ZNF260: variants seen among roughly 807,000 people sequenced by gnomAD.
The protein encoded by ZNF260 is zfp-260.
ZNF260 carries 21 observed loss-of-function variants against 29.3 expected under a neutral mutation model. The ratio of observed to expected loss-of-function variants is 0.72; its 90% confidence interval spans 0.51 to 1.03. ZNF260 has a LOEUF of 1.03. Ranked by LOEUF, ZNF260 falls within the 50% of genes least tolerant of loss-of-function variation. The probability of loss-of-function intolerance (pLI) is 0.00; values close to 1 mark genes in which losing one functional copy is unlikely to be tolerated. For missense variants in ZNF260, 465 were observed against 487.8 expected (o/e 0.95, Z 0.44); for synonymous variants, 156 against 156.8 (o/e 0.99, Z 0.04).
chr19:36,524,517 G>GTTTTTTTTTTTTTTTTTTTTTT lies in ZNF260; in HGVS notation c.-462+637_-462+638insAAAAAAAAAAAAAAAAAAAAAA, dbSNP rs61184857. ...TTTAAAGAAAATAACTTACATGCTAGTTTTTTTTTTTTTTTTTATTGATCA... is the reference window on the plus strand; with the variant it reads ...TTTAAAGAAAATAACTTACATGCTAGTTTTTTTTTTTTTTTTTTTTTTTTTTTTTTTTTTTTTTTATTGATCA... On this transcript the variant is annotated intron_variant, in intron 2 of 2. Coordinates refer to ENST00000523638, the MANE Select transcript of ZNF260 (RefSeq NM_001166037.2). Among the ~76,000 whole-genome samples, 559 of 90,704 alleles carry GTTTTTTTTTTTTTTTTTTTTTT rather than the reference G, an allele frequency of 6.2e-3. 91 individuals are homozygous for GTTTTTTTTTTTTTTTTTTTTTT. Among genetic ancestry groups the GTTTTTTTTTTTTTTTTTTTTTT allele is most frequent in the Non-Finnish European group, 7.9e-3 (339 of 42,848 alleles). The allele number at this position is 90,704 out of a possible 152,430, so 59.5% of individuals were successfully genotyped here. A position where few individuals can be genotyped will look rare whatever the true frequency, so the allele number is the denominator to read the frequency against.
rs142297509 is a variant in ZNF260 at position 36,511,921 on chromosome 19, T to G, written c.*2079A>C. 6.6e-6 allele frequency: 1 copy of G among 152,284 alleles called. No individual in the cohort carries two copies. The highest frequency in any genetic ancestry group is 1.5e-5 in the Non-Finnish European group (1 of 68,036). The allele number at this position is 152,284 out of a possible 1,614,324, so 9.4% of individuals were successfully genotyped here. ...TTTTCCTCAATGGCTTATAAAAAAA[T>G]TGAAGAGTGACACAGTTTTCTCATT... On this transcript the variant is annotated 3_prime_UTR_variant, in exon 3 of 3. Transcript: ENST00000523638.
Position 36,514,229 on chromosome 19 carries a change from C to T in ZNF260, c.1010G>A (p.Cys337Tyr). The T allele has an allele frequency of 1.2e-6, 2 of 1,614,136 alleles. No homozygotes were observed. The highest frequency in any genetic ancestry group is 1.7e-6 in the Non-Finnish European group (2 of 1,180,000). The change falls in exon 3 of 3, where the codon TGT becomes TAT. Residue 337 changes from cysteine to tyrosine, a missense_variant. Transcript: ENST00000523638. ...TGDKPYECKV[C>Y]GKAFCQSSSL... is the part of the protein sequence containing the mutation. ...TGAGCTTTGACAGAAGGCTTTCCCA[C>T]AGACCTTACACTCATAAGGCTTATC...
intron 1 of ZNF260, among the ~76,000 whole-genome samples, chr19:36,526,923 GC>G (rs1218113643): frequency 6.6e-6 from 1 of 152,178 alleles, no homozygotes; most frequent in African/African-American, 2.4e-5. Flanking sequence ...TTACTTAGAA[GC>G]CTTCTCTAAG....
chr19:36,527,757 A>G (rs2145761523), intron 1 of ZNF260, among the ~76,000 whole-genome samples: 1 of 152,344 alleles, frequency 6.6e-6, no homozygotes, highest in South Asian at 2.1e-4. Context: ...CTTTAAAAAA[A>G]TAATGGAAAG....
chr19:36,517,945 T>G (rs2034579311), intron 2 of ZNF260: 1 of 153,720 alleles, frequency 6.5e-6, no homozygotes, highest in Non-Finnish European at 1.4e-5. Flanking sequence ...TTCTCCGGCA[T>G]CAGCCTCCCG....
Position 36,515,175 on chromosome 19 carries a change from T to C in ZNF260, c.64A>G (p.Thr22Ala). 6.2e-7 allele frequency: 1 copy of C among 1,612,358 alleles called. No individual in the cohort carries two copies. Among genetic ancestry groups the C allele is most frequent in the East Asian group, 2.2e-5 (1 of 44,822 alleles). Residue 22 changes from threonine to alanine, a missense_variant, in exon 3 of 3, where the codon ACT becomes GCT. Physicochemically the swap from Thr to Ala is moderately conservative, Grantham distance 58 (BLOSUM62 0). Transcript: ENST00000523638. Reference sequence around the variant, plus strand: ...TTACATTCATAAGGTTTCTCTCCAGTATGAATTTGATCATGCTGAAGGAGA... The same window carrying C: ...TTACATTCATAAGGTTTCTCTCCAGCATGAATTTGATCATGCTGAAGGAGA... ...SDLLQHDQIH[T>A]GEKPYECNEC...
chr19:36,524,361 A>G (rs1376780781), intron 2 of ZNF260, among the ~76,000 whole-genome samples: 1 of 151,662 alleles, frequency 6.6e-6, no homozygotes, highest in African/African-American at 2.4e-5. Context: ...TTGTATTTTT[A>G]GTAAAGACGG....
Position 36,513,626 on chromosome 19 carries a change from A to C in ZNF260, c.*374T>G, listed in dbSNP as rs1324690192. 1.2e-5 allele frequency: 5 copies of C among 414,034 alleles called. No individual in the cohort carries two copies. The highest frequency in any genetic ancestry group is 2.1e-5 in the Non-Finnish European group (5 of 233,560). The allele number at this position is 414,034 out of a possible 1,614,324, so 25.6% of individuals were successfully genotyped here. ...TTTGATGATTCTAGTTTTACAATTCATATATGTAGCAAAACATCACAAAAA... is the reference window on the plus strand; with the variant it reads ...TTTGATGATTCTAGTTTTACAATTCCTATATGTAGCAAAACATCACAAAAA... On this transcript the variant is annotated 3_prime_UTR_variant, in exon 3 of 3. Coordinates refer to ENST00000523638, the MANE Select transcript of ZNF260 (RefSeq NM_001166037.2).
intron 2 of ZNF260, chr19:36,517,227 T>G (rs2034566406): frequency 6.6e-6 from 1 of 152,118 alleles, no homozygotes; most frequent in African/African-American, 2.4e-5. Context: ...AGGCTTTATC[T>G]CTACAAAAAT....
rs750388833 is a variant in ZNF260, at chr19:36,514,978, T to C, written c.261A>G (p.Lys87=). 6.2e-7 allele frequency: 1 copy of C among 1,614,018 alleles called. No individual in the cohort carries two copies. The highest frequency in any genetic ancestry group is 8.5e-7 in the Non-Finnish European group (1 of 1,180,012). Residue 87 remains lysine, a synonymous_variant, in exon 3 of 3, where the codon AAA becomes AAG. Coordinates refer to ENST00000523638, the MANE Select transcript of ZNF260 (RefSeq NM_001166037.2). ...HTGKKAYKCN[K]CGKAFSQKEN... is the part of the protein sequence containing the mutation. ...CCTTCTGGCTGAAGGCTTTTCCACA[T>C]TTATTACATTTATATGCCTTCTTTC...
intron 2 of ZNF260, among the ~76,000 whole-genome samples, chr19:36,519,356 C>T (rs991370104): frequency 5.9e-5 from 9 of 152,150 alleles, no homozygotes; most frequent in East Asian, 5.8e-4. Flanking sequence ...GTTATAGTTA[C>T]GTAAATGCTT....
intron 2 of ZNF260, among the ~76,000 whole-genome samples, chr19:36,520,733 G>A (rs1177745407): frequency 3.9e-5 from 6 of 151,932 alleles, no homozygotes; most frequent in Non-Finnish European, 5.9e-5. Flanking sequence ...GGTGGCGGGC[G>A]CCTGTAGTCC....
In ZNF260 at chr19:36,515,099, T is replaced by C; in HGVS notation, c.140A>G (p.Lys47Arg). ...ATGAGATTTCTCTCCAGTATGCATT[T>C]TCTTATGCTCTACAAGGTTTTGCTT... ...SLKQNLVEHK[K>R]MHTGEKSHEC... The change falls in exon 3 of 3, where the codon AAA becomes AGA. Residue 47 changes from lysine (K) to arginine (R), a missense_variant. Coordinates refer to ENST00000523638, the MANE Select transcript of ZNF260 (RefSeq NM_001166037.2). The C allele has an allele frequency of 6.2e-7, 1 of 1,614,122 alleles. No homozygotes were observed. The highest frequency in any genetic ancestry group is 1.3e-5 in the African/African-American group (1 of 75,060).
chr19:36,516,824 C>A (rs916824618), intron 2 of ZNF260, among the ~76,000 whole-genome samples: 9 of 152,136 alleles, frequency 5.9e-5, no homozygotes, highest in Non-Finnish European at 1.0e-4. Context: ...GTGATCTGCC[C>A]GCCTTGGCCT....
chr19:36,521,487 A>C (rs1338049460), intron 2 of ZNF260, among the ~76,000 whole-genome samples: 1 of 151,970 alleles, frequency 6.6e-6, no homozygotes, highest in African/African-American at 2.4e-5. Context: ...GTGCAGTGGC[A>C]CACGCCTGTA....
At chr19:36,520,285 C>A in intron 2 of ZNF260, among the ~76,000 whole-genome samples, 1 of 148,344 alleles carries the variant, frequency 6.7e-6, no homozygotes, top group African/African-American at 2.5e-5. Context: ...GTATTACAAA[C>A]AGAAAAAGAG....
rs1362928728 is a variant in ZNF260, at chr19:36,514,130, GA to G, written c.1108del (p.Ser370LeufsTer10). 1 of 1,613,958 alleles carries G rather than the reference GA, an allele frequency of 6.2e-7. No homozygotes were observed. The highest frequency in any genetic ancestry group is 8.5e-7 in the Non-Finnish European group (1 of 1,179,984). On this transcript the variant is annotated frameshift_variant, in exon 3 of 3. Transcript: ENST00000523638. LOFTEE classifies it high-confidence loss of function. The stretch of plus-strand genomic sequence containing the variant: ...GTGCAGAGCAAGGGTTGAGAACTGA[GA>G]AAAGGCTTTCCCACATTCATTACAA... ...YGCNECGKAF[S>X]QFSTLALHMR... is the part of the protein sequence containing the mutation.
intron 2 of ZNF260, among the ~76,000 whole-genome samples, chr19:36,521,625 CA>C (rs2034646960): frequency 1.3e-5 from 2 of 151,506 alleles, no homozygotes; most frequent in African/African-American, 4.9e-5. Flanking sequence ...TGGTGGTGGG[CA>C]TCTGTAAATT....
chr19:36,521,940 T>G (rs984575063), intron 2 of ZNF260, among the ~76,000 whole-genome samples: 3 of 151,138 alleles, frequency 2.0e-5, no homozygotes, highest in African/African-American at 7.3e-5. Flanking sequence ...TCCCAGCTAC[T>G]TGGGAGGATG....
Sources: gnomAD v4.1 joint callset for allele counts (sites outside exome capture counted in the v4.1 genomes callset) on GRCh38, gnomAD v4.1.1 for gene constraint, MANE v1.5 for transcripts, NCBI Gene and HGNC (gene_info 2026-07-23, HGNC 2026-07-21) for gene names.